The following B4GALNT3 variants were observed in gnomAD, a reference collection of about 807,000 sequenced individuals.
The protein encoded by B4GALNT3 is beta-1,4-N-acetyl-galactosaminyltransferase 3.
A neutral mutation model predicts 120.2 loss-of-function variants in B4GALNT3; 86 were observed. The ratio of observed to expected loss-of-function variants is 0.72; its 90% CI spans 0.60 to 0.86. B4GALNT3 has a LOEUF of 0.86. Ranked by LOEUF, B4GALNT3 falls within the 40% of genes least tolerant of loss-of-function variation. B4GALNT3 has a pLI of 0.00. For missense variants in B4GALNT3, 1,167 were observed against 1,298.9 expected (o/e 0.90, Z 1.56); for synonymous variants, 518 against 510.4 (o/e 1.01, Z -0.20).
rs566818796 is a variant in B4GALNT3, at chr12:548,781, A to C, written c.853+484A>C. On this transcript the variant is annotated intron_variant, in intron 9 of 19. Coordinates refer to ENST00000266383, the MANE Select transcript of B4GALNT3 (RefSeq NM_173593.4). This position sits in a 1 kb window ranked among gnomAD's most constrained non-coding sequence, Gnocchi z 4.9. ...AAAAATTAACTGGGTGTGGTGGCGC[A>C]TGCCTGTAGTCACAGCTACTGGGAA... Among the ~76,000 whole-genome samples the C allele has an allele frequency of 7.9e-5, 12 of 152,260 alleles. No homozygotes were observed. In the East Asian group the frequency reaches 2.3e-3, roughly 29 times the overall value.
At chr12:492,055 C>CAAAAAA (rs55702729) in intron 1 of B4GALNT3, among the ~76,000 whole-genome samples, 53,396 of 130,484 alleles carry the variant, frequency 0.41, 10,917 homozygotes, top group Admixed American at 0.56. Flanking sequence ...GAGACCGTCT[C>CAAAAAA]AAAAAAAAAA....
chr12:497,328 T>C (rs1181206780), intron 1 of B4GALNT3, among the ~76,000 whole-genome samples: 2 of 152,084 alleles, frequency 1.3e-5, no homozygotes, highest in Non-Finnish European at 2.9e-5. Flanking sequence ...TAATTTTGTA[T>C]TTTTAGTAGA....
intron 1 of B4GALNT3, among the ~76,000 whole-genome samples, chr12:474,275 C>A (rs1045846284): frequency 6.6e-6 from 1 of 152,158 alleles, no homozygotes; most frequent in African/African-American, 2.4e-5. Context: ...AAACCCAGAT[C>A]CCAAAACCAG....
At chr12:501,987 C>T (rs1464524918) in intron 1 of B4GALNT3, among the ~76,000 whole-genome samples, 2 of 152,190 alleles carry the variant, frequency 1.3e-5, no homozygotes, top group Admixed American at 6.5e-5. Context: ...GCAGGGCCTT[C>T]CCCTCGCCCT....
Position 552,194 on chromosome 12 carries a change from A to G in B4GALNT3, c.1208+31A>G, listed in dbSNP as rs367907014. 3.7e-5 allele frequency: 57 copies of G among 1,559,398 alleles called. No individual in the cohort carries two copies. In the African/African-American group the frequency reaches 7.1e-4, roughly 19 times the overall value. ...AGACACTGAGTGGGGCAGGAAGGTG[A>G]CCTTGCAGAGGGCTCTGCGGGAGCC... is the stretch of plus-strand genomic sequence containing the variant. On this transcript the variant is annotated intron_variant, in intron 12 of 19. Transcript: ENST00000266383.
intron 1 of B4GALNT3, among the ~76,000 whole-genome samples, chr12:476,695 C>T (rs559130893): frequency 2.0e-5 from 3 of 152,304 alleles, no homozygotes; most frequent in South Asian, 4.1e-4. Flanking sequence ...AGATGTTAGG[C>T]GCCATTGTTT....
At chr12:502,435 G>T (rs1946453807) in intron 1 of B4GALNT3, among the ~76,000 whole-genome samples, 1 of 152,178 alleles carries the variant, frequency 6.6e-6, no homozygotes, top group Admixed American at 6.5e-5. Flanking sequence ...AGCTTTAGGG[G>T]TCTGCTTCCA....
chr12:464,691 G>A (rs527715001), intron 1 of B4GALNT3, among the ~76,000 whole-genome samples: 10 of 152,218 alleles, frequency 6.6e-5, no homozygotes, highest in African/African-American at 1.9e-4. Flanking sequence ...ACATTTGGGC[G>A]CAAATCCAAG....
chr12:499,805 T>C (rs1240732350), intron 1 of B4GALNT3, among the ~76,000 whole-genome samples: 1 of 152,254 alleles, frequency 6.6e-6, no homozygotes, highest in Non-Finnish European at 1.5e-5. Context: ...TTCCATTTGG[T>C]TATAGGCCCT....
rs745338111 is a variant in B4GALNT3 at position 549,865 on chromosome 12, C to T, written c.950C>T (p.Pro317Leu). The change falls in exon 10 of 20, where the codon CCG (proline) becomes CTG (leucine). Residue 317 changes from proline to leucine, a missense_variant. By Grantham distance (98) the Pro-to-Leu change is moderately conservative (BLOSUM62 -3). Coordinates refer to ENST00000266383, the MANE Select transcript of B4GALNT3 (RefSeq NM_173593.4). Reference protein sequence around the residue: ...SSNALPRDEQPPADMLRPDPR... With the variant: ...SSNALPRDEQLPADMLRPDPR... ...AACGCTCTTCCCAGGGATGAGCAGC[C>T]GCCCGCTGACATGCTTCGGCCTGAC... 36 of 1,613,562 alleles carry T rather than the reference C, an allele frequency of 2.2e-5. No homozygotes were observed. In the East Asian group the frequency reaches 3.8e-4, roughly 17 times the overall value.
At chr12:468,605 C>T (rs919130832) in intron 1 of B4GALNT3, among the ~76,000 whole-genome samples, 6 of 152,116 alleles carry the variant, frequency 3.9e-5, no homozygotes, top group Admixed American at 3.9e-4. Flanking sequence ...CATGTGGGCA[C>T]CCATCCCTGC....
At chr12:493,284 A>T (rs1424272832) in intron 1 of B4GALNT3, among the ~76,000 whole-genome samples, 2 of 152,246 alleles carry the variant, frequency 1.3e-5, no homozygotes, top group Non-Finnish European at 2.9e-5. Context: ...ACCAAAGAAG[A>T]TATAAACATA....
chr12:537,223 G>T (rs1213161894), intron 3 of B4GALNT3, among the ~76,000 whole-genome samples: 3 of 152,206 alleles, frequency 2.0e-5, no homozygotes, highest in Non-Finnish European at 4.4e-5. Context: ...ATGAATAAAA[G>T]TTATCAGAAC....
At chr12:558,226 C>CAG in intron 17 of B4GALNT3, 138 bp downstream of exon 17, 1 of 970,324 alleles carries the variant, frequency 1.0e-6, no homozygotes, top group South Asian at 1.5e-5. Context: ...TGCTGTGCTG[C>CAG]AGGCCAGTGC....
Position 561,529 on chromosome 12 carries a change from G to C in B4GALNT3, c.*78G>C. On this transcript the variant is annotated 3_prime_UTR_variant, in exon 20 of 20. Coordinates refer to ENST00000266383, the MANE Select transcript of B4GALNT3 (RefSeq NM_173593.4). ...CCCCAGGGCCCTGCTACTGTTCAGGGATGGGGAGTGGGGTGACGGCTGGAC... is the reference window on the plus strand; with the variant it reads ...CCCCAGGGCCCTGCTACTGTTCAGGCATGGGGAGTGGGGTGACGGCTGGAC... 1.7e-6 allele frequency: 2 copies of C among 1,193,302 alleles called. No homozygotes were observed. Among genetic ancestry groups the C allele is most frequent in the Admixed American group, 2.0e-5 (1 of 49,634 alleles). 73.9% of individuals were successfully genotyped at this position (1,193,302 alleles called of 1,614,324 possible). A position where few individuals can be genotyped will look rare whatever the true frequency, so the allele number is the denominator to read the frequency against.
chr12:506,345 G>A (rs1172209533), intron 1 of B4GALNT3, among the ~76,000 whole-genome samples: 1 of 152,022 alleles, frequency 6.6e-6, no homozygotes, highest in Non-Finnish European at 1.5e-5. Flanking sequence ...CCAAAACCTT[G>A]GTCTCCTGAC....
At chr12:545,331 C>G in intron 5 of B4GALNT3, 38 bp from the exon 6 acceptor site, 1 of 1,582,740 alleles carries the variant, frequency 6.3e-7, no homozygotes, top group Non-Finnish European at 8.6e-7. Flanking sequence ...TGCTGATGCC[C>G]TCCTTGCCCT....
intron 1 of B4GALNT3, among the ~76,000 whole-genome samples, chr12:499,797 C>A (rs1946422207): frequency 6.6e-6 from 1 of 152,224 alleles, no homozygotes; most frequent in Admixed American, 6.5e-5. Context: ...CGCTTACTTT[C>A]CATTTGGTTA....
chr12:521,431 G>C (rs1946707937), intron 1 of B4GALNT3, among the ~76,000 whole-genome samples: 2 of 152,166 alleles, frequency 1.3e-5, no homozygotes, highest in African/African-American at 4.8e-5. Flanking sequence ...GGCCTTTCCG[G>C]GGCCCAGTCG....
Sources: allele counts gnomAD v4.1 joint callset (sites outside exome capture counted in the v4.1 genomes callset), GRCh38; gene constraint gnomAD v4.1.1; non-coding constraint Gnocchi (gnomAD v3.1); transcripts MANE v1.5; gene names NCBI Gene and HGNC (gene_info 2026-07-23, HGNC 2026-07-21).